The following RARS1 variants were observed in gnomAD, a reference collection of about 807,000 sequenced individuals.
The protein encoded by RARS1 is arginine--tRNA ligase, cytoplasmic.
A neutral mutation model predicts 78.7 loss-of-function variants in RARS1; 75 were observed. The ratio of observed to expected loss-of-function variants is 0.95; its 90% confidence interval spans 0.79 to 1.15. RARS1 has a LOEUF of 1.15. RARS1 is among the 50% of genes most tolerant of loss of function. The pLI is 0.00. For missense variants in RARS1, 787 were observed against 787.5 expected, an observed-to-expected ratio of 1.00 and a Z score of 0.01; for synonymous variants, 273 against 268.2, an observed-to-expected ratio of 1.02 and a Z score of -0.18.
chr5:168,509,427 A>G (rs947315113), intron 11 of RARS1, among the ~76,000 whole-genome samples: 1 of 111,830 alleles, frequency 8.9e-6, no homozygotes, highest in African/African-American at 3.7e-5. Flanking sequence ...TATTTGAGGG[A>G]TTTTTTAAAC....
chr5:168,517,523 C>T (rs1758695412), intron 13 of RARS1, among the ~76,000 whole-genome samples: 2 of 152,134 alleles, frequency 1.3e-5, no homozygotes, highest in Admixed American at 1.3e-4. Flanking sequence ...CAAGTTATCC[C>T]AGAATCCCTA....
chr5:168,492,876 T>C, intron 3 of RARS1, 29 bp downstream of exon 3: 1 of 1,503,054 alleles, frequency 6.7e-7, no homozygotes, highest in Non-Finnish European at 9.1e-7. Flanking sequence ...TCTTGGCTGT[T>C]TGATTTTTTT....
At chr5:168,488,866 T>C in intron 2 of RARS1, 130 bp downstream of exon 2, 2 of 1,104,996 alleles carry the variant, frequency 1.8e-6, no homozygotes, top group Non-Finnish European at 2.5e-6. Flanking sequence ...CCCTATTCTT[T>C]TCCCTGCATT....
intron 12 of RARS1, among the ~76,000 whole-genome samples, chr5:168,513,748 C>T (rs1257908924): frequency 6.6e-6 from 1 of 151,986 alleles, no homozygotes; most frequent in Non-Finnish European, 1.5e-5. Context: ...TTACATTTAT[C>T]TATATATTTT....
intron 2 of RARS1, among the ~76,000 whole-genome samples, chr5:168,491,436 GA>G (rs1175408885): frequency 6.6e-6 from 1 of 152,200 alleles, no homozygotes; most frequent in Non-Finnish European, 1.5e-5. Flanking sequence ...TTTAGATTGG[GA>G]AAAATGTATC....
At chr5:168,493,021 C>A in intron 3 of RARS1, 174 bp downstream of exon 3, 2 of 560,574 alleles carry the variant, frequency 3.6e-6, no homozygotes, top group South Asian at 3.4e-5. Context: ...CTTTTTTAGG[C>A]ACAATTTTTA....
At position 168,500,816 on chromosome 5, in the gene RARS1, C is replaced by T. The variant is rs1013353390; in HGVS notation, c.952+96C>T. 4.3e-6 allele frequency: 6 copies of T among 1,394,038 alleles called. No homozygotes were observed. In the African/African-American group the frequency reaches 7.6e-5, roughly 18 times the overall value. 86.4% of individuals were successfully genotyped at this position (1,394,038 alleles called of 1,614,324 possible). On this transcript the variant is annotated intron_variant, in intron 8 of 14. Transcript: ENST00000231572. ...ATTTGACTTTGAGTGATATTTTAACCTTCTAAGGACAGGCAAATAGATTTT... is the reference window on the plus strand; with the variant it reads ...ATTTGACTTTGAGTGATATTTTAACTTTCTAAGGACAGGCAAATAGATTTT...
Position 168,506,733 on chromosome 5 carries a change from C to G in RARS1, c.1248C>G (p.Phe416Leu). 1.2e-6 allele frequency: 2 copies of G among 1,612,032 alleles called. No individual in the cohort carries two copies. Among genetic ancestry groups the G allele is most frequent in the Non-Finnish European group, 8.5e-7 (1 of 1,178,386 alleles). ...CGTTTCTGTTGTAGTCTGTGCACTT[C>G]CAGACAATATTTGCTGCTGCTCAAA... ...YVVDNGQSVH[F>L]QTIFAAAQMI... is the part of the protein sequence containing the mutation. The change falls in exon 11 of 15, where the codon TTC (phenylalanine) becomes TTG (leucine). Residue 416 changes from phenylalanine (F) to leucine (L), a missense_variant. By Grantham distance (22) the Phe-to-Leu change is conservative (BLOSUM62 0). Transcript: ENST00000231572.
intron 4 of RARS1, 100 bp downstream of exon 4, chr5:168,494,102 A>G: frequency 4.6e-6 from 6 of 1,306,852 alleles, no homozygotes; most frequent in South Asian, 1.5e-5. Flanking sequence ...TAAACTTTGT[A>G]TACTGAACAA....
In RARS1 at chr5:168,516,950, G is replaced by C. The variant is rs1758677807; in HGVS notation, c.1625G>C (p.Arg542Thr). ...TTGTTGTATGCCTTCACTAGAATCA[G>C]GTAATTGTGGGTAGGCATTGTTTTA... ...AYLLYAFTRIRSIARLANIDE... is the reference protein window; with the variant it reads ...AYLLYAFTRITSIARLANIDE... Residue 542 changes from arginine to threonine, a missense_variant and splice_region_variant, in exon 13 of 15, where the codon AGG (arginine) becomes ACG (threonine). Transcript: ENST00000231572. 1 of 1,612,022 alleles carries C rather than the reference G, an allele frequency of 6.2e-7. No homozygotes were observed.
chr5:168,503,615 G>GATA (rs1758373965), intron 9 of RARS1, among the ~76,000 whole-genome samples: 2 of 93,390 alleles, frequency 2.1e-5, no homozygotes, highest in Non-Finnish European at 4.1e-5. Context: ...CAACCCCTTT[G>GATA]GTAGTTAGTT....
intron 12 of RARS1, among the ~76,000 whole-genome samples, 184 bp downstream of exon 12, chr5:168,510,870 T>C (rs1048465148): frequency 3.3e-5 from 5 of 152,278 alleles, no homozygotes; most frequent in African/African-American, 7.2e-5. Context: ...TTAGAAAATA[T>C]AGTTCTTGGC....
intron 12 of RARS1, among the ~76,000 whole-genome samples, chr5:168,514,727 C>T (rs1758629831): frequency 6.6e-6 from 1 of 152,150 alleles, no homozygotes; most frequent in African/African-American, 2.4e-5. Context: ...TCTGGTTGTA[C>T]AGTTGGTCTC....
At chr5:168,488,118 T>C (rs1758005591) in intron 1 of RARS1, 1 of 363,848 alleles carries the variant, frequency 2.7e-6, no homozygotes, top group African/African-American at 2.2e-5. Context: ...GTGTGGTTAA[T>C]ATATTCTTTT....
chr5:168,505,953 A>G, intron 9 of RARS1, 68 bp from the exon 10 acceptor site: 2 of 1,190,186 alleles, frequency 1.7e-6, no homozygotes, highest in South Asian at 2.8e-5. Context: ...ACATAGTAGA[A>G]TGAGTAAGCA....
chr5:168,490,258 T>G (rs1421737835), intron 2 of RARS1, among the ~76,000 whole-genome samples: 1 of 152,230 alleles, frequency 6.6e-6, no homozygotes, highest in Non-Finnish European at 1.5e-5. Flanking sequence ...TCTCGTTATG[T>G]CATTCATTCT....
At chr5:168,501,910 TAATA>T in intron 8 of RARS1, 87 bp from the exon 9 acceptor site, 2 of 1,471,998 alleles carry the variant, frequency 1.4e-6, no homozygotes, top group Non-Finnish European at 1.8e-6. Context: ...ATATTTGTAT[TAATA>T]AATTTATTTC....
chr5:168,488,852 G>C, intron 2 of RARS1, 116 bp downstream of exon 2: 5 of 1,242,904 alleles, frequency 4.0e-6, no homozygotes, highest in Non-Finnish European at 5.5e-6. Context: ...AAGAAGCATA[G>C]AAACCCTATT....
intron 12 of RARS1, among the ~76,000 whole-genome samples, chr5:168,511,300 C>T (rs1052716073): frequency 1.3e-5 from 2 of 151,262 alleles, no homozygotes; most frequent in Non-Finnish European, 2.9e-5. Flanking sequence ...GTTCTTCTGG[C>T]TGTAGGAGCA....
Sources: gnomAD v4.1 joint callset for allele counts (sites outside exome capture counted in the v4.1 genomes callset) on GRCh38, gnomAD v4.1.1 for gene constraint, MANE v1.5 for transcripts, NCBI Gene and HGNC (gene_info 2026-07-23, HGNC 2026-07-21) for gene names.